Variants in GSE1 observed in about 807,000 individuals in gnomAD.
The protein encoded by GSE1 is Gse1 coiled-coil protein.
Under a neutral mutation model 112.6 loss-of-function variants are expected in GSE1, and 32 were observed. The observed-to-expected ratio is 0.28, with a 90% CI of 0.21 to 0.38. The LOEUF (loss-of-function observed/expected upper bound fraction) is 0.38. GSE1 is among the 10% of genes least tolerant of loss of function. The probability of loss-of-function intolerance (pLI) is 1.00; values close to 1 mark genes in which losing one functional copy is unlikely to be tolerated. For synonymous variants in GSE1, 1,115 were observed against 735.6 expected, an observed-to-expected ratio of 1.52 and a Z score of -8.35; for missense variants, 2,348 against 1,699.2, an observed-to-expected ratio of 1.38 and a Z score of -6.71.
intron 1 of GSE1, among the ~76,000 whole-genome samples, chr16:85,290,230 C>T (rs528719904): frequency 6.6e-6 from 1 of 152,326 alleles, no homozygotes; most frequent in South Asian, 2.1e-4. Context: ...CAAGGCCCCG[C>T]CCGCACTTCC....
At chr16:85,523,480 C>T (rs545680323) in intron 2 of GSE1, among the ~76,000 whole-genome samples, 1 of 152,334 alleles carries the variant, frequency 6.6e-6, no homozygotes, top group African/African-American at 2.4e-5. Context: ...GAGTTGGCCA[C>T]ACTCCCCAGA....
chr16:85,334,525 AT>A (rs2046442692), intron 1 of GSE1, among the ~76,000 whole-genome samples: 1 of 152,152 alleles, frequency 6.6e-6, no homozygotes. Flanking sequence ...GGTTCTGCTC[AT>A]CCTTGAAGGA....
chr16:85,493,375 G>C (rs558707309), intron 2 of GSE1, among the ~76,000 whole-genome samples: 3 of 152,198 alleles, frequency 2.0e-5, no homozygotes, highest in South Asian at 2.1e-4. Flanking sequence ...GAGTCCAGGA[G>C]TTGGAGGCTG....
At chr16:85,437,881 G>A (rs528944403) in intron 2 of GSE1, among the ~76,000 whole-genome samples, 255 of 152,278 alleles carry the variant, frequency 1.7e-3, no homozygotes, top group African/African-American at 5.9e-3. Context: ...GCATGTTGCT[G>A]AACCTTTCTG....
Position 85,373,811 on chromosome 16 carries a change from T to C in GSE1, c.2464+16168T>C, listed in dbSNP as rs939690341. On this transcript the variant is annotated intron_variant, in intron 2 of 2. Coordinates refer to the GSE1 transcript ENST00000637419. This position sits in a 1 kb window ranked among gnomAD's most constrained non-coding sequence, Gnocchi z 5.1. ...CCCGAGGCAGCCCAGGGCAGGGTGA[T>C]TGTGCTCCTGCCCCACGGTGCCCCA... Among the ~76,000 whole-genome samples, 2 of 152,086 alleles carry C rather than the reference T, an allele frequency of 1.3e-5. No individual in the cohort carries two copies. Among genetic ancestry groups the C allele is most frequent in the Non-Finnish European group, 2.9e-5 (2 of 67,986 alleles).
chr16:85,188,266 G>T (rs534244727), intron 1 of GSE1, among the ~76,000 whole-genome samples: 3 of 131,026 alleles, frequency 2.3e-5, no homozygotes, highest in Non-Finnish European at 5.0e-5. Context: ...CCTGCTGCCT[G>T]ACCGTCTGTC....
At chr16:85,450,683 T>G (rs1036260665) in intron 2 of GSE1, among the ~76,000 whole-genome samples, 6 of 148,964 alleles carry the variant, frequency 4.0e-5, no homozygotes, top group South Asian at 2.1e-4. Context: ...ATTCCTGACC[T>G]TGTGATCCAC....
At chr16:85,274,576 G>A (rs1308175982) in intron 1 of GSE1, among the ~76,000 whole-genome samples, 1 of 152,192 alleles carries the variant, frequency 6.6e-6, no homozygotes, top group Non-Finnish European at 1.5e-5. Flanking sequence ...CCATGAATGG[G>A]CAGCCGTCGA....
intron 2 of GSE1, among the ~76,000 whole-genome samples, chr16:85,635,006 G>A (rs563533692): frequency 6.6e-6 from 1 of 152,268 alleles, no homozygotes; most frequent in African/African-American, 2.4e-5. Flanking sequence ...TCACCTCCAA[G>A]GCCCACGGGT....
In GSE1 at chr16:85,373,564, A is replaced by C. The variant is rs995082143; in HGVS notation, c.2464+15921A>C. Among the ~76,000 whole-genome samples the C allele has an allele frequency of 3.3e-5, 5 of 151,970 alleles. No individual in the cohort carries two copies. The highest frequency in any genetic ancestry group is 1.2e-4 in the African/African-American group (5 of 41,366). On this transcript the variant is annotated intron_variant, in intron 2 of 2. Coordinates refer to the GSE1 transcript ENST00000637419. The surrounding 1 kb of genome is among the most constrained non-coding windows in gnomAD (Gnocchi z 5.1). ...AATGGGCTGGGGCACTGTGTATAGCAGGGATTCAGTGACCGCATCGCTACT... is the reference window on the plus strand; with the variant it reads ...AATGGGCTGGGGCACTGTGTATAGCCGGGATTCAGTGACCGCATCGCTACT...
chr16:85,215,008 C>G (rs1364373410), intron 1 of GSE1, among the ~76,000 whole-genome samples: 3 of 152,154 alleles, frequency 2.0e-5, no homozygotes, highest in Non-Finnish European at 4.4e-5. Context: ...GGCGCAAGGC[C>G]CAGCTAGAGT....
chr16:85,207,414 C>T (rs560040825), intron 1 of GSE1, among the ~76,000 whole-genome samples: 184 of 152,350 alleles, frequency 1.2e-3, no homozygotes, highest in African/African-American at 4.2e-3. Context: ...TGCTGAGGAC[C>T]TGGTCCGTGC....
intron 1 of GSE1, among the ~76,000 whole-genome samples, chr16:85,310,710 G>T (rs79752926): frequency 0.036 from 5,478 of 152,088 alleles, 318 homozygotes; most frequent in African/African-American, 0.12. Context: ...GAGAGATGGA[G>T]CCTGATGTGG....
intron 2 of GSE1, among the ~76,000 whole-genome samples, chr16:85,422,065 C>G (rs2048857600): frequency 6.6e-6 from 1 of 152,098 alleles, no homozygotes; most frequent in Non-Finnish European, 1.5e-5. Flanking sequence ...AGGAACAGCC[C>G]AGCATGGAAA....
chr16:85,633,041 G>T (rs1204078773), intron 1 of GSE1, among the ~76,000 whole-genome samples: 1 of 150,080 alleles, frequency 6.7e-6, no homozygotes, highest in African/African-American at 2.5e-5. Context: ...TGTCACCACT[G>T]GCCGGGAGGG....
chr16:85,209,533 G>A (rs1198559847), intron 1 of GSE1, among the ~76,000 whole-genome samples: 1 of 151,158 alleles, frequency 6.6e-6, no homozygotes, highest in Non-Finnish European at 1.5e-5. Context: ...CATCACCATC[G>A]CTGCCCCACA....
intron 2 of GSE1, chr16:85,490,742 C>G (rs1407724319): frequency 1.3e-5 from 2 of 152,198 alleles, no homozygotes; most frequent in Non-Finnish European, 2.9e-5. Flanking sequence ...AAGAGGAAGG[C>G]TTTGTGCAGC....
At chr16:85,642,887 G>C (rs896547663) in intron 2 of GSE1, among the ~76,000 whole-genome samples, 1 of 152,154 alleles carries the variant, frequency 6.6e-6, no homozygotes. Context: ...CAGGGCCTGT[G>C]GCTTTGGGGC....
chr16:85,303,144 C>G (rs1057104270), intron 1 of GSE1, among the ~76,000 whole-genome samples: 2 of 152,254 alleles, frequency 1.3e-5, no homozygotes, highest in Non-Finnish European at 2.9e-5. Context: ...CCGTTGTTGC[C>G]CAGCCCGGAG....
Sources: allele counts gnomAD v4.1 joint callset (sites outside exome capture counted in the v4.1 genomes callset), GRCh38; gene constraint gnomAD v4.1.1; non-coding constraint Gnocchi (gnomAD v3.1); transcripts MANE v1.5; gene names NCBI Gene and HGNC (gene_info 2026-07-23, HGNC 2026-07-21).